Variants in CYYR1 observed in about 807,000 individuals in gnomAD.
The protein encoded by CYYR1 is cysteine and tyrosine rich 1, also known as cysteine and tyrosine-rich protein 1.
Under a neutral mutation model 15.2 loss-of-function variants are expected in CYYR1, and 14 were observed. The ratio of observed to expected loss-of-function variants is 0.92; its 90% confidence interval spans 0.61 to 1.44. The LOEUF is 1.44. CYYR1 is among the 40% of genes most tolerant of loss of function. The probability of loss-of-function intolerance (pLI) is 0.00; values close to 1 mark genes in which losing one functional copy is unlikely to be tolerated. For synonymous variants in CYYR1, 80 were observed against 77.4 expected (o/e 1.03, Z -0.18); for missense variants, 228 against 209.5 (o/e 1.09, Z -0.54).
At chr21:26,489,962 C>T (rs771710879) in intron 2 of CYYR1, among the ~76,000 whole-genome samples, 2 of 152,092 alleles carry the variant, frequency 1.3e-5, no homozygotes, top group Non-Finnish European at 2.9e-5. Flanking sequence ...GCCTACAATT[C>T]TAACTGACTA....
chr21:26,517,114 CAAAAAAAAAAAAAA>C (rs61352955), intron 2 of CYYR1, among the ~76,000 whole-genome samples: 2 of 46,706 alleles, frequency 4.3e-5, no homozygotes, highest in East Asian at 2.6e-3. Context: ...GACTCCGTCT[CAAAAAAAAAAAAAA>C]AAAAAAAAAA....
At chr21:26,549,698 G>A (rs1404373270) in intron 2 of CYYR1, among the ~76,000 whole-genome samples, 1 of 152,068 alleles carries the variant, frequency 6.6e-6, no homozygotes, top group Non-Finnish European at 1.5e-5. Context: ...TCCGAATTGA[G>A]GTGTTTATAC....
intron 2 of CYYR1, among the ~76,000 whole-genome samples, chr21:26,527,976 TAAAG>T (rs964670039): frequency 6.6e-6 from 1 of 151,984 alleles, no homozygotes; most frequent in Non-Finnish European, 1.5e-5. Flanking sequence ...ATTCTATAAA[TAAAG>T]AGTAAAGGAA....
intron 2 of CYYR1, among the ~76,000 whole-genome samples, chr21:26,510,344 G>T (rs1407916741): frequency 6.6e-6 from 1 of 152,180 alleles, no homozygotes; most frequent in Admixed American, 6.5e-5. Flanking sequence ...TTCCAGACCT[G>T]CTGGCTTAAC....
chr21:26,556,168 C>T (rs1486901299), intron 2 of CYYR1, among the ~76,000 whole-genome samples: 1 of 152,198 alleles, frequency 6.6e-6, no homozygotes, highest in Non-Finnish European at 1.5e-5. Flanking sequence ...TGAGAAGATA[C>T]TATTTGAAAC....
At chr21:26,476,196 A>G (rs1033778538) in intron 3 of CYYR1, among the ~76,000 whole-genome samples, 1 of 152,094 alleles carries the variant, frequency 6.6e-6, no homozygotes, top group East Asian at 1.9e-4. Flanking sequence ...ATGTTCCCCA[A>G]CTTGGGTTTG....
intron 2 of CYYR1, among the ~76,000 whole-genome samples, chr21:26,562,727 A>AAC (rs58990363): frequency 0.083 from 10,909 of 131,476 alleles, 454 homozygotes; most frequent in Non-Finnish European, 0.11. Context: ...TCTCCTCCTA[A>AAC]ACACACACAC....
intron 2 of CYYR1, among the ~76,000 whole-genome samples, chr21:26,533,365 T>A (rs766953078): frequency 6.6e-6 from 1 of 152,028 alleles, no homozygotes; most frequent in Non-Finnish European, 1.5e-5. Context: ...GGAAAGCTGG[T>A]GACTTAATAC....
At chr21:26,543,335 T>A (rs941095056) in intron 2 of CYYR1, among the ~76,000 whole-genome samples, 1 of 152,038 alleles carries the variant, frequency 6.6e-6, no homozygotes, top group Non-Finnish European at 1.5e-5. Flanking sequence ...GAACTTAAAA[T>A]AAAAATAAAA....
chr21:26,473,092 T>G (rs913895633), intron 3 of CYYR1, among the ~76,000 whole-genome samples: 2 of 152,196 alleles, frequency 1.3e-5, no homozygotes, highest in African/African-American at 4.8e-5. Flanking sequence ...CCTGTTCTAT[T>G]CCAATGACCA....
Position 26,468,631 on chromosome 21 carries a change from C to G in CYYR1, c.338G>C (p.Gly113Ala). 1 of 1,595,618 alleles carries G rather than the reference C, an allele frequency of 6.3e-7. No individual in the cohort carries two copies. Among genetic ancestry groups the G allele is most frequent in the Non-Finnish European group, 8.5e-7 (1 of 1,170,654 alleles). ...HINTVSSYPA[G>A]PPPYGHDHEM... ...GTGGTCGTGACCGTAGGGTGGTGGT[C>G]CTGCTGAAAAAGAAGGGGAAGAGAA... is the stretch of plus-strand genomic sequence containing the variant. Residue 113 changes from glycine (G) to alanine (A), a missense_variant, in exon 4 of 4, where the codon GGA becomes GCA. Physicochemically the swap from Gly to Ala is moderately conservative, Grantham distance 60 (BLOSUM62 0). Transcript: ENST00000652641.
chr21:26,485,745 CAAAT>C (rs1445168840), intron 2 of CYYR1, among the ~76,000 whole-genome samples: 3 of 152,086 alleles, frequency 2.0e-5, no homozygotes, highest in South Asian at 2.1e-4. Context: ...TTTGGTTTGA[CAAAT>C]AAAGTTGCTA....
At chr21:26,539,282 C>T (rs185135217) in intron 2 of CYYR1, among the ~76,000 whole-genome samples, 15 of 152,106 alleles carry the variant, frequency 9.9e-5, no homozygotes, top group Non-Finnish European at 1.9e-4. Context: ...ACCTTAAGTA[C>T]GTAAGTGTGG....
At chr21:26,552,275 T>G (rs1421220407) in intron 2 of CYYR1, 1 of 152,278 alleles carries the variant, frequency 6.6e-6, no homozygotes, top group Non-Finnish European at 1.5e-5. Context: ...GAATGGAACC[T>G]ACAATGTCTG....
At chr21:26,544,872 C>G (rs1978843166) in intron 2 of CYYR1, among the ~76,000 whole-genome samples, 1 of 151,914 alleles carries the variant, frequency 6.6e-6, no homozygotes, top group South Asian at 2.1e-4. Context: ...CTAGGAGTTC[C>G]AGACCAGCCT....
intron 2 of CYYR1, among the ~76,000 whole-genome samples, chr21:26,533,334 C>T (rs970260224): frequency 6.6e-6 from 1 of 151,888 alleles, no homozygotes; most frequent in African/African-American, 2.4e-5. Context: ...CACAATATGT[C>T]ATTTGCAAGC....
intron 2 of CYYR1, among the ~76,000 whole-genome samples, chr21:26,521,186 G>A (rs2065800170): frequency 6.6e-6 from 1 of 151,982 alleles, no homozygotes; most frequent in Non-Finnish European, 1.5e-5. Context: ...CATGTATCTT[G>A]GAACTTAAAA....
Position 26,539,048 on chromosome 21 carries a change from C to T in CYYR1, c.176+27218G>A, listed in dbSNP as rs552971202. Among the ~76,000 whole-genome samples, 8 of 152,240 alleles carry T rather than the reference C, an allele frequency of 5.3e-5. No individual in the cohort carries two copies. The South Asian group carries it at 1.7e-3, about 32-fold the overall frequency. Reference sequence around the variant, plus strand: ...AAAGAATAATGTGATACGAAAACAACTGTGATTTTTATTGGTCACAAAGTC... The same window carrying T: ...AAAGAATAATGTGATACGAAAACAATTGTGATTTTTATTGGTCACAAAGTC... On this transcript the variant is annotated intron_variant, in intron 2 of 3. Coordinates refer to ENST00000652641, the MANE Select transcript of CYYR1 (RefSeq NM_001320768.2).
intron 2 of CYYR1, among the ~76,000 whole-genome samples, chr21:26,538,872 T>A (rs1198677307): frequency 6.6e-6 from 1 of 152,226 alleles, no homozygotes; most frequent in South Asian, 2.1e-4. Context: ...TATATCACAA[T>A]CTGGTTCTCA....
Sources: allele counts gnomAD v4.1 joint callset (sites outside exome capture counted in the v4.1 genomes callset), GRCh38; gene constraint gnomAD v4.1.1; transcripts MANE v1.5; gene names NCBI Gene and HGNC (gene_info 2026-07-23, HGNC 2026-07-21).